The following ASCC1 variants were observed in gnomAD, a reference collection of about 807,000 sequenced individuals.
ASCC1 encodes ASC-1 complex subunit P50.
Under a neutral mutation model 46.6 loss-of-function variants are expected in ASCC1, and 35 were observed. The ratio of observed to expected loss-of-function variants is 0.75; its 90% CI spans 0.57 to 0.99. The LOEUF is 0.99. ASCC1 is among the 50% of genes least tolerant of loss of function. The pLI, the probability that ASCC1 is intolerant of heterozygous loss-of-function variation, is 0.00. For synonymous variants in ASCC1, 143 were observed against 146.6 expected (o/e 0.98, Z 0.18); for missense variants, 376 against 428.7 (o/e 0.88, Z 1.09).
chr10:72,182,064 T>C (rs1852710009), intron 5 of ASCC1, among the ~76,000 whole-genome samples: 1 of 151,920 alleles, frequency 6.6e-6, no homozygotes, highest in Non-Finnish European at 1.5e-5. Flanking sequence ...TTCGAGGAAA[T>C]AATGACTGAA....
intron 5 of ASCC1, among the ~76,000 whole-genome samples, chr10:72,178,480 G>A (rs1852141181): frequency 6.6e-6 from 1 of 152,176 alleles, no homozygotes; most frequent in Non-Finnish European, 1.5e-5. Context: ...ATTTGGTGAA[G>A]CCAGAGCAGT....
intron 5 of ASCC1, among the ~76,000 whole-genome samples, chr10:72,169,849 G>T (rs2132818021): frequency 6.6e-6 from 1 of 152,310 alleles, no homozygotes; most frequent in African/African-American, 2.4e-5. Context: ...GCCGGGCGTG[G>T]TGGCTCACGC....
At chr10:72,156,225 G>C (rs942363079) in intron 6 of ASCC1, among the ~76,000 whole-genome samples, 7 of 152,134 alleles carry the variant, frequency 4.6e-5, no homozygotes, top group Non-Finnish European at 1.0e-4. Context: ...ACTCTCTGTT[G>C]CTTGTTCCTG....
intron 9 of ASCC1, among the ~76,000 whole-genome samples, chr10:72,105,325 A>G (rs1191093428): frequency 6.6e-6 from 1 of 152,114 alleles, no homozygotes; most frequent in East Asian, 1.9e-4. Flanking sequence ...CCTCACCTAG[A>G]CACTGCCACG....
At position 72,142,985 on chromosome 10, in the gene ASCC1, C is replaced by G. The variant is rs1456657764; in HGVS notation, c.747-9804G>C. Among the ~76,000 whole-genome samples the G allele has an allele frequency of 2.0e-5, 3 of 151,570 alleles. No individual in the cohort carries two copies. In the East Asian group the frequency reaches 5.8e-4, roughly 29 times the overall value. On this transcript the variant is annotated intron_variant, in intron 7 of 9. Transcript: ENST00000672957. ...GACCATCCTGGCTAACATGGTGAAACCCCATCTCTACTAAAAATACGAAAA... is the reference window on the plus strand; with the variant it reads ...GACCATCCTGGCTAACATGGTGAAAGCCCATCTCTACTAAAAATACGAAAA...
chr10:72,136,630 C>T (rs1846248837), intron 7 of ASCC1, among the ~76,000 whole-genome samples: 1 of 152,212 alleles, frequency 6.6e-6, no homozygotes, highest in Non-Finnish European at 1.5e-5. Flanking sequence ...CCCAAGCCAG[C>T]AGCAGCAACC....
At chr10:72,102,412 C>T (rs2131904077) in intron 9 of ASCC1, 1 of 1,549,418 alleles carries the variant, frequency 6.5e-7, no homozygotes, top group East Asian at 2.4e-5. Flanking sequence ...ATCAGAGACA[C>T]CTGTAGCACA....
Position 72,151,849 on chromosome 10 carries a change from G to A in ASCC1, c.746+1020C>T, listed in dbSNP as rs1196449925. ...GACTACAGGAGCATGCCACCACACC[G>A]GCTAATTTTTTGTATTTTTTTAGTA... is the stretch of plus-strand genomic sequence containing the variant. On this transcript the variant is annotated intron_variant, in intron 7 of 9. Coordinates refer to ENST00000672957, the MANE Select transcript of ASCC1 (RefSeq NM_001198800.3). Among the ~76,000 whole-genome samples the A allele has an allele frequency of 8.6e-5, 13 of 151,458 alleles. No homozygotes were observed. In the East Asian group the frequency reaches 9.8e-4, roughly 11 times the overall value.
intron 5 of ASCC1, among the ~76,000 whole-genome samples, chr10:72,164,532 C>A (rs1850101818): frequency 6.6e-6 from 1 of 152,122 alleles, no homozygotes; most frequent in African/African-American, 2.4e-5. Flanking sequence ...TTTATTAATT[C>A]ATCTATTGAA....
chr10:72,117,059 A>T (rs1231860093), intron 9 of ASCC1, among the ~76,000 whole-genome samples: 1 of 152,164 alleles, frequency 6.6e-6, no homozygotes, highest in Non-Finnish European at 1.5e-5. Context: ...CAGCCTCCCA[A>T]AGTGCTGGGA....
At chr10:72,179,580 T>C (rs11000205) in intron 5 of ASCC1, among the ~76,000 whole-genome samples, 13,615 of 152,258 alleles carry the variant, frequency 0.089, 1,595 homozygotes, top group African/African-American at 0.26. Context: ...ACTGCTCTAC[T>C]TAACACTGTG....
At chr10:72,161,482 C>A (rs1849687287) in intron 6 of ASCC1, 56 bp downstream of exon 6, 1 of 1,612,542 alleles carries the variant, frequency 6.2e-7, no homozygotes, top group Non-Finnish European at 8.5e-7. Flanking sequence ...TCTGTAATAC[C>A]AAAAAGAAGC....
intron 7 of ASCC1, chr10:72,133,972 C>T (rs1444254984): frequency 1.3e-5 from 2 of 152,328 alleles, no homozygotes; most frequent in Non-Finnish European, 2.9e-5. Context: ...CTTCACAAAA[C>T]TAAGTGGCAA....
At chr10:72,138,281 A>G (rs1846504929) in intron 7 of ASCC1, among the ~76,000 whole-genome samples, 1 of 152,118 alleles carries the variant, frequency 6.6e-6, no homozygotes, top group African/African-American at 2.4e-5. Context: ...TCTCTTGAAG[A>G]AAAAAAGTAG....
intron 5 of ASCC1, among the ~76,000 whole-genome samples, chr10:72,194,181 G>A (rs1855004803): frequency 6.6e-6 from 1 of 151,830 alleles, no homozygotes; most frequent in South Asian, 2.1e-4. Flanking sequence ...CCTGCACCTG[G>A]CCTGATGTTC....
intron 8 of ASCC1, among the ~76,000 whole-genome samples, chr10:72,131,516 T>C (rs1845604968): frequency 6.6e-6 from 1 of 151,472 alleles, no homozygotes; most frequent in African/African-American, 2.4e-5. Flanking sequence ...TTCTATTACC[T>C]ACCCAAACAA....
intron 9 of ASCC1, among the ~76,000 whole-genome samples, chr10:72,123,931 A>G (rs556965350): frequency 6.6e-6 from 1 of 152,350 alleles, no homozygotes; most frequent in African/African-American, 2.4e-5. Flanking sequence ...AAATATACAC[A>G]TATATATTTC....
chr10:72,133,378 T>G, intron 7 of ASCC1, 197 bp from the exon 8 acceptor site: 1 of 594,042 alleles, frequency 1.7e-6, no homozygotes, highest in Non-Finnish European at 3.0e-6. Context: ...GCTTAACAGA[T>G]AGTAGAAATA....
intron 7 of ASCC1, chr10:72,134,470 C>T (rs1845963280): frequency 1.3e-5 from 2 of 152,252 alleles, no homozygotes; most frequent in Admixed American, 1.3e-4. Context: ...AAAAACAACC[C>T]TCGGTTTCCT....
Sources: gnomAD v4.1 joint callset for allele counts (sites outside exome capture counted in the v4.1 genomes callset) on GRCh38, gnomAD v4.1.1 for gene constraint, MANE v1.5 for transcripts, NCBI Gene and HGNC (gene_info 2026-07-23, HGNC 2026-07-21) for gene names.